URB1: variants seen among roughly 807,000 people sequenced by gnomAD.
URB1 encodes the protein URB1 ribosome biogenesis factor.
A neutral mutation model predicts 242.3 loss-of-function variants in URB1; 197 were observed. The observed-to-expected ratio is 0.81, with a 90% CI of 0.72 to 0.91. URB1 has a LOEUF of 0.91. Among genes scored for constraint, URB1 ranks in the 40% least tolerant of loss-of-function variants. The pLI is 0.00. For synonymous variants in URB1, 1,153 were observed against 1,201.8 expected (o/e 0.96, Z 0.84); for missense variants, 2,721 against 2,860.5 (o/e 0.95, Z 1.11).
At chr21:32,346,933 C>T (rs1333356050) in intron 22 of URB1, 23 bp downstream of exon 22, 3 of 1,480,514 alleles carry the variant, frequency 2.0e-6, no homozygotes, top group South Asian at 2.7e-5. Context: ...ACCCCAGCTG[C>T]CCAAAGCTAG....
rs1333612275 is a variant in URB1 at position 32,347,055 on chromosome 21, G to C, written c.3769C>G (p.Pro1257Ala). The change falls in exon 22 of 39, where the codon CCA (proline) becomes GCA (alanine). Residue 1257 changes from proline to alanine, a missense_variant. Coordinates refer to ENST00000382751, the MANE Select transcript of URB1 (RefSeq NM_014825.3). Reference protein sequence around the residue: ...WFEQWCLQAGPGLGLQGDLDD... With the variant: ...WFEQWCLQAGAGLGLQGDLDD... ...AGGTCCCCCTGGAGGCCGAGCCCTG[G>C]GCCAGCCTGCAGGCACCACTGCTCG... 1.3e-5 allele frequency: 20 copies of C among 1,550,310 alleles called. No individual in the cohort carries two copies. The highest frequency in any genetic ancestry group is 1.7e-5 in the Non-Finnish European group (20 of 1,146,354).
chr21:32,337,822 C>T (rs1250497798), intron 26 of URB1, among the ~76,000 whole-genome samples: 11 of 151,892 alleles, frequency 7.2e-5, no homozygotes, highest in Admixed American at 7.2e-4. Context: ...CGCGCCCAGC[C>T]CCCCACGTGT....
chr21:32,377,680 C>A (rs552588953), intron 5 of URB1, among the ~76,000 whole-genome samples: 1 of 152,180 alleles, frequency 6.6e-6, no homozygotes, highest in African/African-American at 2.4e-5. Context: ...CCTAAATCGT[C>A]CCGGCAGTCA....
At chr21:32,379,016 T>G (rs1486217162) in intron 4 of URB1, among the ~76,000 whole-genome samples, 3 of 152,260 alleles carry the variant, frequency 2.0e-5, no homozygotes, top group Admixed American at 1.3e-4. Context: ...TTATGAGATA[T>G]TATAAATAAC....
intron 30 of URB1, among the ~76,000 whole-genome samples, chr21:32,328,327 G>A (rs1182576698): frequency 2.0e-5 from 3 of 152,062 alleles, no homozygotes; most frequent in South Asian, 2.1e-4. Context: ...TAGTAGAGAC[G>A]GGGTTTCACC....
Position 32,347,576 on chromosome 21 carries a change from A to G in URB1, c.3248T>C (p.Val1083Ala). Reference protein sequence around the residue: ...ARYSEAITQSVLKELQNRRAG... With the variant: ...ARYSEAITQSALKELQNRRAG... ...CCTCCTGTTCTGAAGTTCCTTCAGCACACTCTGGGTGATGGCCTCTGAGTA... is the reference window on the plus strand; with the variant it reads ...CCTCCTGTTCTGAAGTTCCTTCAGCGCACTCTGGGTGATGGCCTCTGAGTA... The change falls in exon 22 of 39, where the codon GTG becomes GCG. Residue 1083 changes from valine to alanine, a missense_variant. Coordinates refer to ENST00000382751, the MANE Select transcript of URB1 (RefSeq NM_014825.3). 6.4e-7 allele frequency: 1 copy of G among 1,551,414 alleles called. No homozygotes were observed. Among genetic ancestry groups the G allele is most frequent in the Non-Finnish European group, 8.7e-7 (1 of 1,146,878 alleles).
At position 32,350,850 on chromosome 21, in the gene URB1, C is replaced by T. The variant is rs1568820502; in HGVS notation, c.2686G>A (p.Ala896Thr). ...LASSFTALLQ[A>T]AYESQALRDE... The stretch of plus-strand genomic sequence containing the variant: ...CGAAGCGCTTGGCTCTCGTAGGCTG[C>T]CTGCAGCAGGGCTGTGAAGGACGAG... The change falls in exon 20 of 39, where the codon GCA becomes ACA. Residue 896 changes from alanine (A) to threonine (T), a missense_variant. Ala to Thr is a moderately conservative substitution (Grantham distance 58). Coordinates refer to ENST00000382751, the MANE Select transcript of URB1 (RefSeq NM_014825.3). 6.4e-7 allele frequency: 1 copy of T among 1,551,046 alleles called. No individual in the cohort carries two copies. Among genetic ancestry groups the T allele is most frequent in the Non-Finnish European group, 8.7e-7 (1 of 1,146,996 alleles).
chr21:32,390,576 T>C (rs2033627245), intron 1 of URB1, among the ~76,000 whole-genome samples: 1 of 152,234 alleles, frequency 6.6e-6, no homozygotes, highest in South Asian at 2.1e-4. Context: ...GTAGGTCGCC[T>C]GTTCACTCTG....
At chr21:32,329,405 A>G (rs1001688095) in intron 30 of URB1, among the ~76,000 whole-genome samples, 2 of 152,234 alleles carry the variant, frequency 1.3e-5, no homozygotes, top group African/African-American at 4.8e-5. Flanking sequence ...TCACAGTGAG[A>G]AGAGTCAGAG....
chr21:32,375,816 C>T (rs9984429), intron 5 of URB1, among the ~76,000 whole-genome samples: 19,685 of 151,692 alleles, frequency 0.13, 1,554 homozygotes, highest in African/African-American at 0.22. Flanking sequence ...TATGGTGGTG[C>T]GCACCTGTAG....
Position 32,384,447 on chromosome 21 carries a change from T to C in URB1, c.300A>G (p.Gln100=), listed in dbSNP as rs896521211. 3 of 1,551,114 alleles carry C rather than the reference T, an allele frequency of 1.9e-6. No homozygotes were observed. The highest frequency in any genetic ancestry group is 2.7e-5 in the African/African-American group (2 of 73,048). Residue 100 remains glutamine, a synonymous_variant, in exon 3 of 39, where the codon CAA becomes CAG. Transcript: ENST00000382751. ...RPESETMLIF[Q]VFEAILLRTA... ...TCCGCAATAATATGGCCTCGAAAAC[T>C]TGAAATATTAACATCGTCTGCAAAG...
At position 32,336,958 on chromosome 21, in the gene URB1, G is replaced by A. The variant is rs1601130036; in HGVS notation, c.4685+136C>T. The A allele has an allele frequency of 4.7e-6, 4 of 859,438 alleles. No homozygotes were observed. In the East Asian group the frequency reaches 1.1e-4, roughly 23 times the overall value. The allele number at this position is 859,438 out of a possible 1,614,324, so 53.2% of individuals were successfully genotyped here. ...GCACCCTATGCAGAAGCCAGTGTGA[G>A]TCAGGGGAGTGCTGCCTGCCTCACT... On this transcript the variant is annotated intron_variant, in intron 28 of 38. Coordinates refer to ENST00000382751, the MANE Select transcript of URB1 (RefSeq NM_014825.3).
At chr21:32,355,736 G>GT (rs1425687422) in intron 15 of URB1, among the ~76,000 whole-genome samples, 171 bp from the exon 16 acceptor site, 3 of 152,250 alleles carry the variant, frequency 2.0e-5, no homozygotes, top group Non-Finnish European at 4.4e-5. Flanking sequence ...GGCCTCCTGA[G>GT]TAGCTGGGAC....
At position 32,372,110 on chromosome 21, in the gene URB1, G is replaced by A. The variant is rs570695685; in HGVS notation, c.1001+397C>T. Among the ~76,000 whole-genome samples, 901 of 152,306 alleles carry A rather than the reference G, an allele frequency of 5.9e-3. 2 individuals carry two copies. The highest frequency in any genetic ancestry group is 9.6e-3 in the Non-Finnish European group (650 of 68,020). ...CAGTGTAAGTGTCTCGACCTCTCTA[G>A]AACTACTTTCTTCCTCTGCAAAGCT... is the stretch of plus-strand genomic sequence containing the variant. On this transcript the variant is annotated intron_variant, in intron 8 of 38. Transcript: ENST00000382751.
At chr21:32,347,854 G>C in intron 21 of URB1, 43 bp from the exon 22 acceptor site, 7 of 1,487,732 alleles carry the variant, frequency 4.7e-6, no homozygotes, top group Non-Finnish European at 6.2e-6. Flanking sequence ...TAGAGCACAG[G>C]GCTAAGACAG....
At position 32,313,579 on chromosome 21, in the gene URB1, G is replaced by A. The variant is rs929921134; in HGVS notation, c.*1339C>T. The A allele has an allele frequency of 1.3e-5, 2 of 152,194 alleles. No homozygotes were observed. Among genetic ancestry groups the A allele is most frequent in the Non-Finnish European group, 2.9e-5 (2 of 68,052 alleles). The allele number at this position is 152,194 out of a possible 1,614,324, so 9.4% of individuals were successfully genotyped here. On this transcript the variant is annotated 3_prime_UTR_variant, in exon 39 of 39. Coordinates refer to ENST00000382751, the MANE Select transcript of URB1 (RefSeq NM_014825.3). The stretch of plus-strand genomic sequence containing the variant: ...GTGAAGGGACTGTATGCCAACAAAC[G>A]TTACTCATGCTTTAGTTAAAACTTT...
At chr21:32,362,765 T>A (rs1439887511) in intron 11 of URB1, among the ~76,000 whole-genome samples, 2 of 152,110 alleles carry the variant, frequency 1.3e-5, no homozygotes, top group African/African-American at 4.8e-5. Context: ...GCATCCCTTC[T>A]CACTGGGCCA....
chr21:32,382,460 C>G (rs1428597722), intron 4 of URB1, among the ~76,000 whole-genome samples: 1 of 152,150 alleles, frequency 6.6e-6, no homozygotes, highest in Non-Finnish European at 1.5e-5. Context: ...GCCAATCTCA[C>G]AGAGCCATAA....
chr21:32,315,123 C>T lies in URB1; in HGVS notation c.6635-24G>A, dbSNP rs1319166436. On this transcript the variant is annotated intron_variant, in intron 38 of 38. Coordinates refer to ENST00000382751, the MANE Select transcript of URB1 (RefSeq NM_014825.3). ...GGCTGAACAAGAGCAGGGGATAGGCCATTAGGATGCACACCTGCTCAGCTC... is the reference window on the plus strand; with the variant it reads ...GGCTGAACAAGAGCAGGGGATAGGCTATTAGGATGCACACCTGCTCAGCTC... 13 of 1,489,332 alleles carry T rather than the reference C, an allele frequency of 8.7e-6. No individual in the cohort carries two copies. The South Asian group carries it at 1.7e-4, about 20-fold the overall frequency. 92.3% of individuals were successfully genotyped at this position (1,489,332 alleles called of 1,614,324 possible).
Sources: gnomAD v4.1 joint callset for allele counts (sites outside exome capture counted in the v4.1 genomes callset) on GRCh38, gnomAD v4.1.1 for gene constraint, MANE v1.5 for transcripts, NCBI Gene and HGNC (gene_info 2026-07-23, HGNC 2026-07-21) for gene names.